The following NXNL2 variants were observed in gnomAD, a reference collection of about 807,000 sequenced individuals.
NXNL2 encodes nucleoredoxin-like protein 2.
Under a neutral mutation model 11.1 loss-of-function variants are expected in NXNL2, and 7 were observed. The observed-to-expected ratio is 0.63, with a 90% confidence interval of 0.36 to 1.18. The LOEUF is 1.18. NXNL2 is among the 50% of genes most tolerant of loss of function. NXNL2 has a pLI of 0.02. For missense variants in NXNL2, 233 were observed against 217.7 expected (o/e 1.07, Z -0.44); for synonymous variants, 109 against 101.8 (o/e 1.07, Z -0.42).
intron 1 of NXNL2, among the ~76,000 whole-genome samples, chr9:88,557,595 C>T (rs966795899): frequency 3.3e-5 from 5 of 152,328 alleles, no homozygotes; most frequent in African/African-American, 1.2e-4. Flanking sequence ...GAGCCACCAA[C>T]AGCTAAGACA....
chr9:88,554,944 G>C (rs1426788634), intron 1 of NXNL2, among the ~76,000 whole-genome samples: 1 of 152,174 alleles, frequency 6.6e-6, no homozygotes, highest in Non-Finnish European at 1.5e-5. Flanking sequence ...TCTTGTCCTA[G>C]AATTGACTAG....
chr9:88,547,272 G>A (rs980422209), downstream of NXNL2, among the ~76,000 whole-genome samples: 1 of 152,238 alleles, frequency 6.6e-6, no homozygotes, highest in Admixed American at 6.5e-5. Context: ...CATCAGGCCT[G>A]GGGCAGGTGG....
downstream of NXNL2, among the ~76,000 whole-genome samples, chr9:88,579,856 C>T (rs191438360): frequency 8.8e-3 from 1,346 of 152,128 alleles, 18 homozygotes; most frequent in African/African-American, 0.031. Context: ...GATGGGAGGG[C>T]GCGGTGGCTC....
downstream of NXNL2, among the ~76,000 whole-genome samples, chr9:88,579,785 T>G (rs983189924): frequency 1.3e-5 from 2 of 152,054 alleles, no homozygotes; most frequent in Non-Finnish European, 1.5e-5. Context: ...CCCAAACAAA[T>G]GTCCACCATA....
chr9:88,566,589 C>T (rs1187519161), intron 1 of NXNL2, among the ~76,000 whole-genome samples: 4 of 152,220 alleles, frequency 2.6e-5, no homozygotes, highest in African/African-American at 9.6e-5. Flanking sequence ...AGGCATGAGC[C>T]ACTGCGCCTG....
At chr9:88,536,740 A>G (rs542822889) in intron 1 of NXNL2, among the ~76,000 whole-genome samples, 5 of 152,242 alleles carry the variant, frequency 3.3e-5, no homozygotes. Context: ...AAATCTAATT[A>G]TTCCCCCAAA....
chr9:88,566,877 ATC>A (rs1830177205), intron 1 of NXNL2, among the ~76,000 whole-genome samples: 1 of 151,998 alleles, frequency 6.6e-6, no homozygotes, highest in South Asian at 2.1e-4. Flanking sequence ...TATATTATCT[ATC>A]TTTCTATCTA....
At chr9:88,546,428 T>C (rs1587844254), downstream of NXNL2, among the ~76,000 whole-genome samples, 1 of 147,750 alleles carries the variant, frequency 6.8e-6, no homozygotes, top group Admixed American at 6.7e-5. Flanking sequence ...TTTTTTTTTT[T>C]TTTTTTTCTG....
chr9:88,542,662 A>C (rs540143754), intron 1 of NXNL2, among the ~76,000 whole-genome samples: 17 of 152,298 alleles, frequency 1.1e-4, no homozygotes, highest in Non-Finnish European at 2.2e-4. Flanking sequence ...GTTATTGACC[A>C]CTTGAAATTC....
intron 2 of NXNL2, chr9:88,571,232 A>T (rs1830260698): frequency 8.3e-6 from 2 of 240,920 alleles, no homozygotes; most frequent in South Asian, 3.9e-5. Flanking sequence ...TGCCAGGCTA[A>T]TTTTTTTTGT....
At chr9:88,542,352 G>A (rs994439219) in intron 1 of NXNL2, among the ~76,000 whole-genome samples, 1 of 151,674 alleles carries the variant, frequency 6.6e-6, no homozygotes, top group East Asian at 2.0e-4. Flanking sequence ...GCAGTGGCGC[G>A]ATCTCGGCTC....
At chr9:88,575,211 G>A in exon 3 of NXNL2, 1 of 966,804 alleles carries the variant, frequency 1.0e-6, no homozygotes, top group Non-Finnish European at 1.2e-6. Context: ...TTAACAATGT[G>A]CTGTGACCAT....
chr9:88,566,702 G>A (rs1380477739), intron 1 of NXNL2, among the ~76,000 whole-genome samples: 1 of 152,136 alleles, frequency 6.6e-6, no homozygotes, highest in African/African-American at 2.4e-5. Flanking sequence ...GTAGACAAAG[G>A]ACACATTTCA....
At chr9:88,545,603 G>T (rs1829835340), downstream of NXNL2, among the ~76,000 whole-genome samples, 1 of 152,132 alleles carries the variant, frequency 6.6e-6, no homozygotes, top group Non-Finnish European at 1.5e-5. Context: ...TGCGCTGTCA[G>T]TTAACTTCCC....
chr9:88,567,042 CACAG>C (rs1830185635), intron 1 of NXNL2, among the ~76,000 whole-genome samples: 1 of 137,104 alleles, frequency 7.3e-6, no homozygotes, highest in Non-Finnish European at 1.5e-5. Flanking sequence ...TTTCTTTCTC[CACAG>C]ACAGACTGTG....
chr9:88,551,666 C>A (rs141277073), intron 1 of NXNL2, among the ~76,000 whole-genome samples: 1 of 152,146 alleles, frequency 6.6e-6, no homozygotes, highest in African/African-American at 2.4e-5. Context: ...CCTGTTGCTT[C>A]TCTCTCCTGT....
chr9:88,576,303 A>C (rs1367033769), downstream of NXNL2, among the ~76,000 whole-genome samples: 1 of 152,204 alleles, frequency 6.6e-6, no homozygotes, highest in African/African-American at 2.4e-5. Flanking sequence ...ATGGACCTAG[A>C]CTTCTCAAGG....
At chr9:88,569,185 C>T (rs1436611778) in intron 1 of NXNL2, among the ~76,000 whole-genome samples, 2 of 152,198 alleles carry the variant, frequency 1.3e-5, no homozygotes, top group African/African-American at 2.4e-5. Context: ...CCTGCCTTGG[C>T]CTCCCAAAAT....
intron 1 of NXNL2, among the ~76,000 whole-genome samples, chr9:88,581,195 T>G (rs923444971): frequency 3.3e-4 from 50 of 152,204 alleles, no homozygotes; most frequent in African/African-American, 1.1e-3. Context: ...GTCTTTTAGC[T>G]GCTGTCCCAG....
Sources: allele counts gnomAD v4.1 joint callset (sites outside exome capture counted in the v4.1 genomes callset), GRCh38; gene constraint gnomAD v4.1.1; transcripts MANE v1.5; gene names NCBI Gene and HGNC (gene_info 2026-07-23, HGNC 2026-07-21).